Variants in MTUS2 observed in about 807,000 individuals in gnomAD.
MTUS2 encodes the protein microtubule associated scaffold protein 2.
Under a neutral mutation model 114.1 loss-of-function variants are expected in MTUS2, and 40 were observed. The observed-to-expected ratio is 0.35, with a 90% CI of 0.27 to 0.46. The LOEUF is 0.46. Ranked by LOEUF, MTUS2 falls within the 20% of genes least tolerant of loss-of-function variation. The pLI is 1.00. For missense variants in MTUS2, 1,679 were observed against 1,705.4 expected (o/e 0.98, Z 0.27); for synonymous variants, 688 against 672.0 (o/e 1.02, Z -0.37).
chr13:29,276,918 AAATG>A (rs1249126814), intron 5 of MTUS2, among the ~76,000 whole-genome samples: 18 of 151,668 alleles, frequency 1.2e-4, no homozygotes, highest in African/African-American at 2.4e-4. Context: ...ATAAATAAAT[AAATG>A]AATAAATAAA....
At chr13:29,283,105 C>T (rs138825524) in intron 6 of MTUS2, among the ~76,000 whole-genome samples, 462 of 152,296 alleles carry the variant, frequency 3.0e-3, no homozygotes, top group African/African-American at 0.01. Context: ...AGGCTCCACC[C>T]ATATCCCTGC....
chr13:28,821,140 G>A (rs1336176338), intron 1 of MTUS2, among the ~76,000 whole-genome samples: 5 of 152,084 alleles, frequency 3.3e-5, no homozygotes, highest in Non-Finnish European at 2.9e-5. Flanking sequence ...TGTACTCTCT[G>A]TTATATAAAT....
At chr13:29,160,365 C>T (rs1893041944) in intron 5 of MTUS2, among the ~76,000 whole-genome samples, 1 of 152,154 alleles carries the variant, frequency 6.6e-6, no homozygotes, top group East Asian at 1.9e-4. Flanking sequence ...TGTGAGAATA[C>T]AGTATATAAT....
In MTUS2 at chr13:29,503,732, A is replaced by C; in HGVS notation, c.*526A>C. 1 of 139,826 alleles carries C rather than the reference A, an allele frequency of 7.2e-6. No homozygotes were observed. Among genetic ancestry groups the C allele is most frequent in the Admixed American group, 1.4e-4 (1 of 6,908 alleles). The allele number at this position is 139,826 out of a possible 1,614,324, so 8.7% of individuals were successfully genotyped here. A position where few individuals can be genotyped will look rare whatever the true frequency, so the allele number is the denominator to read the frequency against. On this transcript the variant is annotated 3_prime_UTR_variant, in exon 16 of 16. Transcript: ENST00000612955. ...CTTCCCAGGAATATTTCTACCCAAA[A>C]TAGAAAAAGGAAAAAAAAAAAGATA...
chr13:28,965,205 G>A (rs113887451), intron 2 of MTUS2, among the ~76,000 whole-genome samples: 4 of 152,278 alleles, frequency 2.6e-5, no homozygotes, highest in East Asian at 1.9e-4. Flanking sequence ...TAGCCTCATC[G>A]TATTTAGAGC....
intron 8 of MTUS2, among the ~76,000 whole-genome samples, chr13:29,375,534 TA>T (rs1871550908): frequency 4.8e-5 from 1 of 20,972 alleles, no homozygotes; most frequent in Non-Finnish European, 1.1e-4. Context: ...TATATATATA[TA>T]TACGTGTATA....
chr13:29,020,251 A>T (rs1027227293), intron 2 of MTUS2, among the ~76,000 whole-genome samples: 1 of 152,206 alleles, frequency 6.6e-6, no homozygotes, highest in Non-Finnish European at 1.5e-5. Flanking sequence ...GAGGCATATG[A>T]AAGTTACATG....
chr13:28,827,896 G>A (rs1277985449), intron 1 of MTUS2, among the ~76,000 whole-genome samples: 7 of 152,150 alleles, frequency 4.6e-5, no homozygotes, highest in South Asian at 2.1e-4. Flanking sequence ...TCACAGGACC[G>A]GGGTGAAATT....
intron 8 of MTUS2, among the ~76,000 whole-genome samples, chr13:29,429,740 A>C (rs1338509223): frequency 6.6e-6 from 1 of 152,190 alleles, no homozygotes; most frequent in Non-Finnish European, 1.5e-5. Flanking sequence ...TCACAATTGA[A>C]TTGTTGAAAT....
At chr13:28,901,454 G>C (rs1160028886) in intron 2 of MTUS2, among the ~76,000 whole-genome samples, 1 of 152,132 alleles carries the variant, frequency 6.6e-6, no homozygotes, top group Non-Finnish European at 1.5e-5. Context: ...AGATCCCAAA[G>C]ATTTTCTCCT....
chr13:28,881,051 G>T lies in MTUS2; in HGVS notation c.-243+41201G>T, dbSNP rs925356660. ...CGTGGATATACTGTGTAGTGGTGAGGTTTTGGCTTCTAGTGTACCCAGCAG... is the reference window on the plus strand; with the variant it reads ...CGTGGATATACTGTGTAGTGGTGAGTTTTTGGCTTCTAGTGTACCCAGCAG... On this transcript the variant is annotated intron_variant, in intron 2 of 15. Coordinates refer to ENST00000612955, the MANE Select transcript of MTUS2 (RefSeq NM_001033602.4). Among the ~76,000 whole-genome samples, 4 of 152,082 alleles carry T rather than the reference G, an allele frequency of 2.6e-5. No homozygotes were observed. The East Asian group carries it at 7.7e-4, about 29-fold the overall frequency.
Position 29,024,512 on chromosome 13 carries a change from G to T in MTUS2, c.-187G>T. The T allele has an allele frequency of 1.5e-6, 1 of 656,320 alleles. No individual in the cohort carries two copies. The allele number at this position is 656,320 out of a possible 1,614,324, so 40.7% of individuals were successfully genotyped here. A position where few individuals can be genotyped will look rare whatever the true frequency, so the allele number is the denominator to read the frequency against. On this transcript the variant is annotated 5_prime_UTR_variant, in exon 3 of 16. Transcript: ENST00000612955. ...AGGAACCTAACAGATAAGTCTTCCT[G>T]CTGTATATCAAGACAATGCTTGGTT... is the stretch of plus-strand genomic sequence containing the variant.
intron 6 of MTUS2, among the ~76,000 whole-genome samples, chr13:29,294,643 A>G (rs999070009): frequency 6.6e-6 from 1 of 152,224 alleles, no homozygotes; most frequent in Non-Finnish European, 1.5e-5. Context: ...GCAAAGTTCA[A>G]ATGAAACAAG....
At chr13:29,189,164 A>G (rs1157923369) in intron 5 of MTUS2, among the ~76,000 whole-genome samples, 1 of 152,200 alleles carries the variant, frequency 6.6e-6, no homozygotes, top group Non-Finnish European at 1.5e-5. Flanking sequence ...TTTGTAAAAT[A>G]TATGTTGATC....
At chr13:29,213,786 C>A (rs1322802829) in intron 5 of MTUS2, among the ~76,000 whole-genome samples, 2 of 152,142 alleles carry the variant, frequency 1.3e-5, no homozygotes, top group African/African-American at 4.8e-5. Flanking sequence ...TCTGAAATCT[C>A]TGCCTTTCAT....
Position 29,324,729 on chromosome 13 carries a change from T to C in MTUS2, c.2905+18T>C. ...TTCACCAGGTATGTAAGAAATATGA[T>C]GTGTTCCTTGGGGGAATGACTTGAA... On this transcript the variant is annotated intron_variant, in intron 7 of 15. Coordinates refer to ENST00000612955, the MANE Select transcript of MTUS2 (RefSeq NM_001033602.4). The C allele has an allele frequency of 6.4e-7, 1 of 1,565,710 alleles. No individual in the cohort carries two copies. Among genetic ancestry groups the C allele is most frequent in the African/African-American group, 1.3e-5 (1 of 74,184 alleles).
intron 2 of MTUS2, among the ~76,000 whole-genome samples, chr13:28,910,613 T>C (rs1166378518): frequency 6.6e-6 from 1 of 152,034 alleles, no homozygotes; most frequent in Non-Finnish European, 1.5e-5. Flanking sequence ...CTCTCACTTA[T>C]AAGTGAAAAC....
chr13:28,920,627 G>A (rs567631273), intron 2 of MTUS2, among the ~76,000 whole-genome samples: 1 of 152,314 alleles, frequency 6.6e-6, no homozygotes, highest in East Asian at 1.9e-4. Context: ...CTGGGTTTGT[G>A]TCCCTTTCTT....
chr13:28,912,792 G>T (rs1424114452), intron 2 of MTUS2, among the ~76,000 whole-genome samples: 2 of 152,022 alleles, frequency 1.3e-5, no homozygotes, highest in Non-Finnish European at 2.9e-5. Context: ...TTGTGAATGG[G>T]ATTTCATTCA....
Sources: gnomAD v4.1 joint callset for allele counts (sites outside exome capture counted in the v4.1 genomes callset) on GRCh38, gnomAD v4.1.1 for gene constraint, MANE v1.5 for transcripts, NCBI Gene and HGNC (gene_info 2026-07-23, HGNC 2026-07-21) for gene names.